Variants in TENM4 observed in about 807,000 individuals in gnomAD.
TENM4 encodes teneurin transmembrane protein 4.
In TENM4, 82 loss-of-function variants were observed where a neutral mutation model predicts 243.3. That is an observed-to-expected ratio of 0.34 (90% CI 0.28 to 0.40). The LOEUF (loss-of-function observed/expected upper bound fraction) is 0.40, where lower values mean the gene tolerates loss of function less well. Among genes scored for constraint, TENM4 ranks in the 10% least tolerant of loss-of-function variants. The pLI is 1.00. For missense variants in TENM4, 3,138 were observed against 3,673.3 expected, an observed-to-expected ratio of 0.85 and a Z score of 3.77; for synonymous variants, 1,412 against 1,456.3, an observed-to-expected ratio of 0.97 and a Z score of 0.69.
chr11:79,306,210 C>T (rs1055194122), intron 1 of TENM4, among the ~76,000 whole-genome samples: 5 of 152,162 alleles, frequency 3.3e-5, no homozygotes, highest in South Asian at 2.1e-4. Context: ...ACAAGGCACA[C>T]GAGCTTTATG....
intron 1 of TENM4, among the ~76,000 whole-genome samples, chr11:79,326,240 T>G (rs1023988195): frequency 6.6e-6 from 1 of 152,162 alleles, no homozygotes; most frequent in African/African-American, 2.4e-5. Flanking sequence ...AAGGCCTTTA[T>G]CATAAGTCCC....
At chr11:78,740,553 G>A (rs1855904682) in intron 19 of TENM4, among the ~76,000 whole-genome samples, 2 of 152,180 alleles carry the variant, frequency 1.3e-5, no homozygotes, top group Admixed American at 6.5e-5. Context: ...CCGCTAATGG[G>A]GAAGATTTAT....
chr11:79,195,807 G>A (rs1006595791), intron 3 of TENM4, among the ~76,000 whole-genome samples: 1 of 152,116 alleles, frequency 6.6e-6, no homozygotes, highest in African/African-American at 2.4e-5. Flanking sequence ...CTGTTGGGAA[G>A]GCATGATTGG....
At chr11:79,016,595 C>T (rs1858781038) in intron 6 of TENM4, among the ~76,000 whole-genome samples, 1 of 152,132 alleles carries the variant, frequency 6.6e-6, no homozygotes, top group Non-Finnish European at 1.5e-5. Flanking sequence ...TAAAGATACA[C>T]ATTCGGTTGA....
intron 1 of TENM4, among the ~76,000 whole-genome samples, chr11:79,398,935 A>G (rs1253607923): frequency 6.6e-6 from 1 of 151,968 alleles, no homozygotes; most frequent in African/African-American, 2.4e-5. Context: ...CTAAGTGGAC[A>G]CAGTGAATGC....
intron 4 of TENM4, among the ~76,000 whole-genome samples, chr11:79,113,538 CA>C (rs1193342644): frequency 6.6e-6 from 1 of 151,348 alleles, no homozygotes; most frequent in Non-Finnish European, 1.5e-5. Context: ...CTCTCAAGGA[CA>C]AAAAAACTCA....
At chr11:78,954,612 T>C (rs1471193175) in intron 6 of TENM4, among the ~76,000 whole-genome samples, 2 of 152,258 alleles carry the variant, frequency 1.3e-5, no homozygotes, top group Non-Finnish European at 2.9e-5. Context: ...CAGAATGGGA[T>C]AACCTGCTTT....
chr11:79,079,054 T>C (rs1218334208), intron 4 of TENM4, among the ~76,000 whole-genome samples: 1 of 152,250 alleles, frequency 6.6e-6, no homozygotes, highest in Non-Finnish European at 1.5e-5. Context: ...CCTGGACTCC[T>C]GGGAGAAGCG....
At chr11:79,397,043 A>G (rs997832288) in intron 1 of TENM4, among the ~76,000 whole-genome samples, 9 of 152,184 alleles carry the variant, frequency 5.9e-5, no homozygotes. Flanking sequence ...CAGGGACTCT[A>G]TAGGTCAGAT....
chr11:78,887,966 G>A, intron 9 of TENM4, among the ~76,000 whole-genome samples: 1 of 152,134 alleles, frequency 6.6e-6, no homozygotes, highest in East Asian at 1.9e-4. Flanking sequence ...AAATAATAAT[G>A]TTAGTCAAAA....
intron 4 of TENM4, among the ~76,000 whole-genome samples, chr11:79,128,595 G>T (rs1565215193): frequency 6.6e-6 from 1 of 152,192 alleles, no homozygotes; most frequent in South Asian, 2.1e-4. Flanking sequence ...GAAGACTAGG[G>T]CCTGGTTCAC....
intron 2 of TENM4, among the ~76,000 whole-genome samples, chr11:79,238,379 C>T (rs1321501986): frequency 1.3e-5 from 2 of 152,146 alleles, no homozygotes; most frequent in Admixed American, 1.3e-4. Flanking sequence ...GTGTGGGCAG[C>T]ACTCCGATCC....
chr11:79,329,884 T>C (rs1197352206), intron 1 of TENM4, among the ~76,000 whole-genome samples: 1 of 152,148 alleles, frequency 6.6e-6, no homozygotes, highest in Non-Finnish European at 1.5e-5. Flanking sequence ...AGCAGCTGAT[T>C]TACATTTGTA....
In TENM4 at chr11:78,869,176, C is replaced by T. The variant is rs766490130; in HGVS notation, c.1085-6044G>A. On this transcript the variant is annotated intron_variant, in intron 9 of 33. Transcript: ENST00000278550. ...AACTCGATGTCTAAAAATAGGAGAA[C>T]GACTTAGCTAACTTATGGTACAGGT... is the stretch of plus-strand genomic sequence containing the variant. Among the ~76,000 whole-genome samples the T allele has an allele frequency of 2.7e-5, 4 of 150,680 alleles. No individual in the cohort carries two copies. The East Asian group carries it at 5.8e-4, about 22-fold the overall frequency.
intron 15 of TENM4, among the ~76,000 whole-genome samples, chr11:78,803,809 C>A (rs567418362): frequency 6.6e-6 from 1 of 152,194 alleles, no homozygotes; most frequent in African/African-American, 2.4e-5. Flanking sequence ...ACAATGCAAG[C>A]CAGCGTAGCT....
chr11:78,709,909 A>T (rs1859357252), intron 26 of TENM4, among the ~76,000 whole-genome samples: 1 of 152,250 alleles, frequency 6.6e-6, no homozygotes, highest in South Asian at 2.1e-4. Context: ...AATCGCAAGA[A>T]TCAGACATAA....
intron 2 of TENM4, among the ~76,000 whole-genome samples, chr11:79,280,662 A>G (rs566060828): frequency 7.2e-4 from 110 of 152,296 alleles, no homozygotes; most frequent in Admixed American, 1.6e-3. Flanking sequence ...TGGCTCCTGT[A>G]GTCACCTGTC....
intron 3 of TENM4, among the ~76,000 whole-genome samples, chr11:79,165,579 C>T (rs1380884943): frequency 1.3e-5 from 2 of 152,184 alleles, no homozygotes; most frequent in Admixed American, 1.3e-4. Flanking sequence ...AGATTTTCTC[C>T]TACTCTGTGG....
intron 6 of TENM4, among the ~76,000 whole-genome samples, chr11:79,028,023 A>G (rs1178498314): frequency 2.6e-5 from 4 of 152,180 alleles, no homozygotes; most frequent in Non-Finnish European, 5.9e-5. Flanking sequence ...CATAGATTGT[A>G]GTGGTTAAAG....
Sources: allele counts gnomAD v4.1 joint callset (sites outside exome capture counted in the v4.1 genomes callset), GRCh38; gene constraint gnomAD v4.1.1; transcripts MANE v1.5; gene names NCBI Gene and HGNC (gene_info 2026-07-23, HGNC 2026-07-21).